Variants in THNSL2 observed in about 807,000 individuals in gnomAD.
THNSL2 encodes the protein threonine synthase like 2.
In THNSL2, 34 loss-of-function variants were observed where a neutral mutation model predicts 40.0. The ratio of observed to expected loss-of-function variants is 0.85; its 90% CI spans 0.65 to 1.13. THNSL2 has a LOEUF of 1.13. THNSL2 is among the 50% of genes most tolerant of loss of function. THNSL2 has a pLI of 0.00. For synonymous variants in THNSL2, 241 were observed against 247.5 expected, an observed-to-expected ratio of 0.97 and a Z score of 0.25; for missense variants, 537 against 608.8, an observed-to-expected ratio of 0.88 and a Z score of 1.24.
chr2:88,174,617 A>G lies in THNSL2; in HGVS notation c.224-22A>G, dbSNP rs761125128. 3.7e-6 allele frequency: 6 copies of G among 1,605,156 alleles called. No homozygotes were observed. The East Asian group carries it at 1.1e-4, about 30-fold the overall frequency. ...AAAGAGACCAGGCCCCTCATTGGCTATCCACCCCACTACCCTCACAGATCT... is the reference window on the plus strand; with the variant it reads ...AAAGAGACCAGGCCCCTCATTGGCTGTCCACCCCACTACCCTCACAGATCT... On this transcript the variant is annotated intron_variant, in intron 2 of 8. Coordinates refer to ENST00000674334, the MANE Select transcript of THNSL2 (RefSeq NM_018271.5).
chr2:88,176,520 A>G (rs1193287073), intron 4 of THNSL2: 3 of 152,202 alleles, frequency 2.0e-5, no homozygotes, highest in Non-Finnish European at 4.4e-5. Flanking sequence ...TAGTTTGGTC[A>G]CTCACCTGAC....
At chr2:88,175,499 C>G in intron 4 of THNSL2, 98 bp downstream of exon 4, 1 of 1,463,088 alleles carries the variant, frequency 6.8e-7, no homozygotes, top group Non-Finnish European at 9.3e-7. Context: ...AGTTGGGTAG[C>G]TGACTGTCCT....
chr2:88,171,946 G>C (rs939053643), intron 1 of THNSL2: 1 of 152,344 alleles, frequency 6.6e-6, no homozygotes, highest in African/African-American at 2.4e-5. Flanking sequence ...GCCCACGTGA[G>C]ACTTGCACGG....
At chr2:88,177,568 G>A (rs1278539723) in intron 4 of THNSL2, among the ~76,000 whole-genome samples, 2 of 152,144 alleles carry the variant, frequency 1.3e-5, no homozygotes, top group Non-Finnish European at 2.9e-5. Context: ...TAACTGGAAG[G>A]CCAGGGGTGG....
Position 88,185,342 on chromosome 2 carries a change from G to A in THNSL2, c.1092G>A (p.Val364=). Residue 364 remains valine, a synonymous_variant, in exon 8 of 9, where the codon GTG becomes GTA. Coordinates refer to ENST00000674334, the MANE Select transcript of THNSL2 (RefSeq NM_018271.5). ...GGACCCTTCAGCTTTCAGAGGCAGT[G>A]ACATCCGTGTCAGTGTCGGATGAAG... ...KELHSKLSEA[V]TSVSVSDEAI... 6.2e-7 allele frequency: 1 copy of A among 1,613,574 alleles called. No individual in the cohort carries two copies. Among genetic ancestry groups the A allele is most frequent in the Non-Finnish European group, 8.5e-7 (1 of 1,179,828 alleles).
rs1676235245 is a variant in THNSL2 at position 88,170,423 on chromosome 2, G to GCGCCCCGCGCCCCGCGCCCCA, written c.-26_-25insACGCCCCGCGCCCCGCGCCCC. ...TGCTGCGCACCGGGCCTCGCGCCCCGCGCCCCGCGCCCCGCGCCCCGCGCC... is the reference window on the plus strand; with the variant it reads ...TGCTGCGCACCGGGCCTCGCGCCCCGCGCCCCGCGCCCCGCGCCCCACGCCCCGCGCCCCGCGCCCCGCGCC... On this transcript the variant is annotated 5_prime_UTR_variant, in exon 1 of 9. Transcript: ENST00000674334. 1 of 60,468 alleles carries GCGCCCCGCGCCCCGCGCCCCA rather than the reference G, an allele frequency of 1.7e-5. No homozygotes were observed. The allele number at this position is 60,468 out of a possible 1,614,324, so 3.7% of individuals were successfully genotyped here. A position where few individuals can be genotyped will look rare whatever the true frequency, so the allele number is the denominator to read the frequency against.
At chr2:88,179,914 G>T (rs1179415167) in intron 5 of THNSL2, among the ~76,000 whole-genome samples, 1 of 152,210 alleles carries the variant, frequency 6.6e-6, no homozygotes, top group East Asian at 1.9e-4. Flanking sequence ...GATAGTTCCG[G>T]CAATGGCATT....
At chr2:88,184,335 G>A (rs1030407769) in intron 7 of THNSL2, among the ~76,000 whole-genome samples, 3 of 152,150 alleles carry the variant, frequency 2.0e-5, no homozygotes, top group Admixed American at 1.3e-4. Flanking sequence ...TTCACTTGCT[G>A]GAATGGCATT....
At chr2:88,178,709 G>A (rs1453681568) in intron 4 of THNSL2, 74 bp from the exon 5 acceptor site, 1 of 1,535,492 alleles carries the variant, frequency 6.5e-7, no homozygotes, top group Non-Finnish European at 9.0e-7. Flanking sequence ...GGAGGGCCCT[G>A]TCGCAGGTGA....
rs1055416710 is a variant in THNSL2 at position 88,185,336 on chromosome 2, G to A, written c.1086G>A (p.Glu362=). Residue 362 remains glutamate, a synonymous_variant, in exon 8 of 9, where the codon GAG becomes GAA. Transcript: ENST00000674334. ...GACCTGGGACCCTTCAGCTTTCAGA[G>A]GCAGTGACATCCGTGTCAGTGTCGG... ...LPKELHSKLS[E]AVTSVSVSDE... 1.9e-6 allele frequency: 3 copies of A among 1,613,226 alleles called. No homozygotes were observed. In the African/African-American group the frequency reaches 4.0e-5, roughly 22 times the overall value.
At chr2:88,184,662 G>A (rs1678063071) in intron 7 of THNSL2, among the ~76,000 whole-genome samples, 1 of 152,052 alleles carries the variant, frequency 6.6e-6, no homozygotes, top group African/African-American at 2.4e-5. Context: ...TAGCTACTTG[G>A]GAGGCTGAGG....
chr2:88,182,626 G>A, intron 5 of THNSL2, 73 bp from the exon 6 acceptor site: 1 of 1,419,678 alleles, frequency 7.0e-7, no homozygotes, highest in South Asian at 1.8e-5. Context: ...TAATTTTGAT[G>A]AAGCCCAATT....
chr2:88,174,578 A>G, intron 2 of THNSL2, 61 bp from the exon 3 acceptor site: 1 of 1,542,104 alleles, frequency 6.5e-7, no homozygotes, highest in South Asian at 1.2e-5. Flanking sequence ...TCAGAGACTG[A>G]GAGGGAACTT....
intron 1 of THNSL2, chr2:88,171,211 G>A: frequency 2.2e-6 from 1 of 451,818 alleles, no homozygotes; most frequent in Non-Finnish European, 4.5e-6. Flanking sequence ...ACCCAACCAT[G>A]TGTATTTCTC....
rs76326031 is a variant in THNSL2 at position 88,183,996 on chromosome 2, A to C, written c.1077+923A>C. Among the ~76,000 whole-genome samples, 956 of 152,318 alleles carry C rather than the reference A, an allele frequency of 6.3e-3. 7 individuals are homozygous for C. The highest frequency in any genetic ancestry group is 0.022 in the African/African-American group (906 of 41,568). On this transcript the variant is annotated intron_variant, in intron 7 of 8. Transcript: ENST00000674334. ...ACATCCGAGTGTTTCCAGTATTTAGAGAATCCTCATTTACCAAGTTAGTCT... is the reference window on the plus strand; with the variant it reads ...ACATCCGAGTGTTTCCAGTATTTAGCGAATCCTCATTTACCAAGTTAGTCT...
chr2:88,185,509 G>A, intron 8 of THNSL2, 30 bp downstream of exon 8: 1 of 1,580,336 alleles, frequency 6.3e-7, no homozygotes, highest in Non-Finnish European at 8.6e-7. Context: ...GGGCCACTGA[G>A]GGACCATTTG....
intron 4 of THNSL2, 137 bp from the exon 5 acceptor site, chr2:88,178,646 A>G: frequency 1.3e-6 from 1 of 778,614 alleles, no homozygotes; most frequent in South Asian, 1.7e-5. Context: ...AAGCTACGTG[A>G]AAGTAAAGAA....
At position 88,182,967 on chromosome 2, in the gene THNSL2, G is replaced by T. The variant is rs199612488; in HGVS notation, c.971G>T (p.Arg324Met). ...GCTCAGGTGCCCTACAACATGGAGA[G>T]GGTGTTCTGGCTGCTCTCTGGCTCT... ...MDIQVPYNME[R>M]VFWLLSGSDS... is the part of the protein sequence containing the mutation. The change falls in exon 7 of 9, where the codon AGG becomes ATG. Residue 324 changes from arginine to methionine, a missense_variant. By Grantham distance (91) the Arg-to-Met change is moderately conservative (BLOSUM62 -1). Transcript: ENST00000674334. 1.8e-5 allele frequency: 29 copies of T among 1,614,136 alleles called. No homozygotes were observed. In the East Asian group the frequency reaches 6.0e-4, roughly 33 times the overall value.
intron 5 of THNSL2, 98 bp from the exon 6 acceptor site, chr2:88,182,601 A>T: frequency 1.5e-6 from 2 of 1,363,002 alleles, no homozygotes; most frequent in Non-Finnish European, 1.9e-6. Flanking sequence ...AGCTTCAAAA[A>T]GCACAAAAGT....
Sources: allele counts gnomAD v4.1 joint callset (sites outside exome capture counted in the v4.1 genomes callset), GRCh38; gene constraint gnomAD v4.1.1; transcripts MANE v1.5; gene names NCBI Gene and HGNC (gene_info 2026-07-23, HGNC 2026-07-21).